The following AGMO variants were observed in gnomAD, a reference collection of about 807,000 sequenced individuals.
The protein encoded by AGMO is alkylglycerol monooxygenase.
A neutral mutation model predicts 60.2 loss-of-function variants in AGMO; 75 were observed. The observed-to-expected ratio is 1.25, with a 90% CI of 1.03 to 1.51. The LOEUF (loss-of-function observed/expected upper bound fraction) is 1.51, where lower values mean the gene tolerates loss of function less well. Ranked by LOEUF, AGMO falls within the 40% of genes most tolerant of loss-of-function variation. AGMO has a pLI of 0.00. For synonymous variants in AGMO, 261 were observed against 177.1 expected (o/e 1.47, Z -3.76); for missense variants, 763 against 525.5 (o/e 1.45, Z -4.42).
intron 6 of AGMO, among the ~76,000 whole-genome samples, chr7:15,392,056 T>G (rs1784163927): frequency 2.0e-5 from 3 of 151,960 alleles, no homozygotes; most frequent in African/African-American, 7.3e-5. Context: ...CGACTTCCTA[T>G]ATTTTTTATT....
At chr7:15,439,183 A>G (rs910846645) in intron 3 of AGMO, among the ~76,000 whole-genome samples, 8 of 152,122 alleles carry the variant, frequency 5.3e-5, no homozygotes, top group South Asian at 2.1e-4. Flanking sequence ...CATATCACGA[A>G]GTCAAGAGAT....
intron 4 of AGMO, among the ~76,000 whole-genome samples, chr7:15,421,714 C>T (rs1427081724): frequency 6.6e-6 from 1 of 151,846 alleles, no homozygotes; most frequent in Non-Finnish European, 1.5e-5. Context: ...GTGTTGGGGT[C>T]TATGGGGTGT....
At chr7:15,305,936 T>TA (rs1364989264) in intron 12 of AGMO, among the ~76,000 whole-genome samples, 1 of 151,934 alleles carries the variant, frequency 6.6e-6, no homozygotes, top group Non-Finnish European at 1.5e-5. Context: ...AAATTCCAGA[T>TA]AACAAAATTT....
At chr7:15,174,517 C>T in the AGMO span, among the ~76,000 whole-genome samples, 1 of 152,106 alleles carries the variant, frequency 6.6e-6, no homozygotes, top group Non-Finnish European at 1.5e-5. Context: ...TTGGTAAGCT[C>T]TCCAACCCAG....
At position 15,308,740 on chromosome 7, in the gene AGMO, A is replaced by C. The variant is rs147851852; in HGVS notation, c.1263+56774T>G. 3.3e-5 allele frequency among the ~76,000 whole-genome samples: 5 copies of C among 152,306 alleles called. No homozygotes were observed. The East Asian group carries it at 9.6e-4, about 29-fold the overall frequency. ...TTACAGCACATATAATGAAAATATA[A>C]CAACTAATGTGTTATGTTTTATAAT... On this transcript the variant is annotated intron_variant, in intron 12 of 12. Transcript: ENST00000342526.
chr7:15,432,382 A>ATATAT (rs1781279588), intron 3 of AGMO, among the ~76,000 whole-genome samples: 1 of 147,874 alleles, frequency 6.8e-6, no homozygotes, highest in African/African-American at 2.5e-5. Context: ...ATATATATAC[A>ATATAT]CTATCTGGGT....
intron 5 of AGMO, among the ~76,000 whole-genome samples, chr7:15,399,373 G>A (rs922645629): frequency 6.6e-6 from 1 of 152,116 alleles, no homozygotes; most frequent in Non-Finnish European, 1.5e-5. Context: ...AAACAGAGTT[G>A]ACTAGGTTAT....
At chr7:15,186,825 C>T in the AGMO span, among the ~76,000 whole-genome samples, 3 of 152,088 alleles carry the variant, frequency 2.0e-5, no homozygotes, top group African/African-American at 4.8e-5. Flanking sequence ...CTGGTGGTCC[C>T]GGCGCACTTT....
chr7:15,303,833 C>A (rs1342448588), intron 12 of AGMO, among the ~76,000 whole-genome samples: 1 of 152,172 alleles, frequency 6.6e-6, no homozygotes. Flanking sequence ...TACCCCCACA[C>A]ACAGCACATA....
At chr7:15,500,963 G>A (rs1179267400) in intron 3 of AGMO, among the ~76,000 whole-genome samples, 1 of 151,854 alleles carries the variant, frequency 6.6e-6, no homozygotes, top group Non-Finnish European at 1.5e-5. Context: ...AAAGAAGCAG[G>A]TTGTTTAATT....
chr7:15,369,772 G>C (rs1783127602), intron 10 of AGMO, among the ~76,000 whole-genome samples: 1 of 151,958 alleles, frequency 6.6e-6, no homozygotes, highest in African/African-American at 2.4e-5. Context: ...CGTATCCCAA[G>C]GGCCTAGAAT....
At chr7:15,192,362 G>A in the AGMO span, among the ~76,000 whole-genome samples, 1 of 152,006 alleles carries the variant, frequency 6.6e-6, no homozygotes, top group African/African-American at 2.4e-5. Flanking sequence ...GGAGAGAAGA[G>A]AAGGAGCATC....
chr7:15,423,461 T>C (rs1258980005), intron 4 of AGMO, among the ~76,000 whole-genome samples: 1 of 121,130 alleles, frequency 8.3e-6, no homozygotes, highest in Non-Finnish European at 1.9e-5. Context: ...ATTTCCTTTT[T>C]ACCCCATTCC....
At chr7:15,223,017 G>A (rs1387200576) in intron 12 of AGMO, among the ~76,000 whole-genome samples, 1 of 151,904 alleles carries the variant, frequency 6.6e-6, no homozygotes. Flanking sequence ...GTCTATGATT[G>A]TGTGTAATGT....
chr7:15,560,885 G>T (rs531614299), intron 1 of AGMO, among the ~76,000 whole-genome samples: 1 of 152,078 alleles, frequency 6.6e-6, no homozygotes, highest in Non-Finnish European at 1.5e-5. Flanking sequence ...ATTGAATTTG[G>T]TTTGATATTG....
chr7:15,275,739 T>C (rs914279929), intron 12 of AGMO, among the ~76,000 whole-genome samples: 3 of 152,190 alleles, frequency 2.0e-5, no homozygotes, highest in East Asian at 3.9e-4. Context: ...GCATATATAT[T>C]TAGGATGGTG....
At chr7:15,391,976 C>A (rs944388512) in intron 6 of AGMO, among the ~76,000 whole-genome samples, 21 of 152,224 alleles carry the variant, frequency 1.4e-4, no homozygotes, top group African/African-American at 5.1e-4. Context: ...TATAAGCAGG[C>A]GTGGGCATGC....
At chr7:15,390,041 T>C (rs187670276) in intron 8 of AGMO, among the ~76,000 whole-genome samples, 2 of 152,234 alleles carry the variant, frequency 1.3e-5, no homozygotes, top group East Asian at 1.9e-4. Flanking sequence ...CTTTTTCTCA[T>C]TTATGAGTGC....
intron 3 of AGMO, among the ~76,000 whole-genome samples, chr7:15,525,884 G>A (rs1446333335): frequency 6.6e-6 from 1 of 152,222 alleles, no homozygotes; most frequent in African/African-American, 2.4e-5. Context: ...CCTCAGGGTT[G>A]CAGGCACCTC....
Sources: gnomAD v4.1 joint callset for allele counts (sites outside exome capture counted in the v4.1 genomes callset) on GRCh38, gnomAD v4.1.1 for gene constraint, MANE v1.5 for transcripts, NCBI Gene and HGNC (gene_info 2026-07-23, HGNC 2026-07-21) for gene names.